The following PCDHGB1 variants were observed in gnomAD, a reference collection of about 807,000 sequenced individuals.
PCDHGB1 encodes protocadherin gamma-B1.
Under a neutral mutation model 56.6 loss-of-function variants are expected in PCDHGB1, and 34 were observed. The observed-to-expected ratio is 0.60, with a 90% CI of 0.46 to 0.80. The LOEUF (loss-of-function observed/expected upper bound fraction) is 0.80. Among genes scored for constraint, PCDHGB1 ranks in the 30% least tolerant of loss-of-function variants. The pLI is 0.00. For synonymous variants in PCDHGB1, 561 were observed against 505.9 expected, an observed-to-expected ratio of 1.11 and a Z score of -1.46; for missense variants, 1,278 against 1,204.6, an observed-to-expected ratio of 1.06 and a Z score of -0.90.
intron 1 of PCDHGB1, chr5:141,409,493 CCT>C (rs1312265786): frequency 6.2e-6 from 10 of 1,614,012 alleles, no homozygotes; most frequent in Non-Finnish European, 7.6e-6. Context: ...GGGCAAGCCG[CCT>C]CTTTCTTCCA....
At chr5:141,415,012 C>T (rs1451963535) in intron 1 of PCDHGB1, 2 of 1,613,644 alleles carry the variant, frequency 1.2e-6, no homozygotes, top group South Asian at 1.1e-5. Context: ...CTACCGTCTG[C>T]TCAAGGCCAG....
intron 2 of PCDHGB1, among the ~76,000 whole-genome samples, chr5:141,501,890 A>G (rs1046816316): frequency 6.6e-6 from 1 of 151,980 alleles, no homozygotes; most frequent in Non-Finnish European, 1.5e-5. Flanking sequence ...CCTGATCATC[A>G]TGGTTCCAAC....
rs1491285973 is a variant in PCDHGB1, at chr5:141,415,739, GGT to G, written c.2409+63071_2409+63072del. 5.5e-5 allele frequency: 24 copies of G among 435,136 alleles called. No individual in the cohort carries two copies. The African/African-American group carries it at 7.2e-4, about 13-fold the overall frequency. 27.0% of individuals were successfully genotyped at this position (435,136 alleles called of 1,614,324 possible). A position where few individuals can be genotyped will look rare whatever the true frequency, so the allele number is the denominator to read the frequency against. On this transcript the variant is annotated intron_variant, in intron 1 of 3. Transcript: ENST00000523390. Reference sequence around the variant, plus strand: ...ATGAGTAGAATTTGATGTTTATTAAGGTTTTTTTTTTTTTTTTTTTTTTTTTT... The same window carrying G: ...ATGAGTAGAATTTGATGTTTATTAAGTTTTTTTTTTTTTTTTTTTTTTTTT...
chr5:141,485,619 G>A lies in PCDHGB1; in HGVS notation c.2410-9188G>A. On this transcript the variant is annotated intron_variant, in intron 1 of 3. Coordinates refer to ENST00000523390, the MANE Select transcript of PCDHGB1 (RefSeq NM_018922.3). This position sits in a 1 kb window ranked among gnomAD's most constrained non-coding sequence, Gnocchi z 5.7. ...GAAATTGGGGAGGCAGCTCCTCCAG[G>A]ACAGCGTTTCCCGTTGGAAAAGGCT... 3 of 1,612,234 alleles carry A rather than the reference G, an allele frequency of 1.9e-6. No homozygotes were observed. The highest frequency in any genetic ancestry group is 2.5e-6 in the Non-Finnish European group (3 of 1,178,678).
In PCDHGB1 at chr5:141,486,487, C is replaced by T; in HGVS notation, c.2410-8320C>T. ...CTGGGAACCCTCCTCTCAGTACCCA[C>T]AGAACTATTTTCCTCAATATTTCAG... On this transcript the variant is annotated intron_variant, in intron 1 of 3. Coordinates refer to ENST00000523390, the MANE Select transcript of PCDHGB1 (RefSeq NM_018922.3). This position sits in a 1 kb window ranked among gnomAD's most constrained non-coding sequence, Gnocchi z 5.0. 1 of 1,614,086 alleles carries T rather than the reference C, an allele frequency of 6.2e-7. No individual in the cohort carries two copies. Among genetic ancestry groups the T allele is most frequent in the Non-Finnish European group, 8.5e-7 (1 of 1,179,918 alleles).
At position 141,432,718 on chromosome 5, in the gene PCDHGB1, T is replaced by C; in HGVS notation, c.2410-62089T>C. ...CCGTCCAGGACCACGGCCAGCCCCC[T>C]CTCTCCGCCACTGTCACGCTCACCG... On this transcript the variant is annotated intron_variant, in intron 1 of 3. Coordinates refer to ENST00000523390, the MANE Select transcript of PCDHGB1 (RefSeq NM_018922.3). This position sits in a 1 kb window ranked among gnomAD's most constrained non-coding sequence, Gnocchi z 6.0. 1 of 1,613,476 alleles carries C rather than the reference T, an allele frequency of 6.2e-7. No homozygotes were observed. The highest frequency in any genetic ancestry group is 8.5e-7 in the Non-Finnish European group (1 of 1,179,862).
intron 1 of PCDHGB1, chr5:141,421,970 A>G (rs2096615419): frequency 1.2e-6 from 2 of 1,610,810 alleles, no homozygotes; most frequent in Non-Finnish European, 1.7e-6. Context: ...CAGTCCGTAT[A>G]TCGCGTGAGT....
intron 1 of PCDHGB1, chr5:141,389,404 C>G (rs2091742660): frequency 6.2e-7 from 1 of 1,613,498 alleles, no homozygotes; most frequent in African/African-American, 1.3e-5. Flanking sequence ...TCCATAAGCG[C>G]GGAGAGCGGG....
In PCDHGB1 at chr5:141,486,157, AG is replaced by A. The variant is rs1562110605; in HGVS notation, c.2410-8649del. 1 of 1,614,208 alleles carries A rather than the reference AG, an allele frequency of 6.2e-7. No homozygotes were observed. Among genetic ancestry groups the A allele is most frequent in the Admixed American group, 1.7e-5 (1 of 60,026 alleles). On this transcript the variant is annotated intron_variant, in intron 1 of 3. Coordinates refer to ENST00000523390, the MANE Select transcript of PCDHGB1 (RefSeq NM_018922.3). This position sits in a 1 kb window ranked among gnomAD's most constrained non-coding sequence, Gnocchi z 5.0. ...TGCGGGCTCGCGATGGGGGTTCTCC[AG>A]CCATGGAGCAACATTGCAGCCTTCG...
intron 1 of PCDHGB1, chr5:141,361,736 C>T (rs1267225660): frequency 6.2e-7 from 1 of 1,613,182 alleles, no homozygotes; most frequent in Non-Finnish European, 8.5e-7. Flanking sequence ...ACACTGCAGG[C>T]CCGCGACCAG....
chr5:141,449,930 A>G (rs1353778264), intron 1 of PCDHGB1, among the ~76,000 whole-genome samples: 1 of 151,614 alleles, frequency 6.6e-6, no homozygotes, highest in East Asian at 1.9e-4. Context: ...ACCATACCTT[A>G]TAGTATATTT....
chr5:141,434,747 C>T (rs2097714000), intron 1 of PCDHGB1, among the ~76,000 whole-genome samples: 1 of 151,606 alleles, frequency 6.6e-6, no homozygotes, highest in South Asian at 2.1e-4. Flanking sequence ...GCTATGAGAC[C>T]CCTGATTCCC....
rs139153105 is a variant in PCDHGB1 at position 141,432,400 on chromosome 5, G to T, written c.2410-62407G>T. 3.1e-6 allele frequency: 5 copies of T among 1,614,122 alleles called. No homozygotes were observed. In the African/African-American group the frequency reaches 4.0e-5, roughly 13 times the overall value. ...ACCCGCCCCTCAGCAGCAACGTGTC[G>T]TTGAGCCTGTTCGTGCTGGACCAGA... On this transcript the variant is annotated intron_variant, in intron 1 of 3. Transcript: ENST00000523390. The surrounding 1 kb of genome is among the most constrained non-coding windows in gnomAD (Gnocchi z 6.0).
chr5:141,486,832 A>G lies in PCDHGB1; in HGVS notation c.2410-7975A>G. 2.5e-6 allele frequency: 4 copies of G among 1,614,182 alleles called. No individual in the cohort carries two copies. Among genetic ancestry groups the G allele is most frequent in the South Asian group, 1.1e-5 (1 of 91,082 alleles). ...TTAGCAGCACTGTAACAGTTCGTCT[A>G]TTTGTGCTGGACCTCAATGACAATG... On this transcript the variant is annotated intron_variant, in intron 1 of 3. Transcript: ENST00000523390. The surrounding 1 kb of genome is among the most constrained non-coding windows in gnomAD (Gnocchi z 5.0).
chr5:141,354,299 G>A (rs1393104062), intron 1 of PCDHGB1, among the ~76,000 whole-genome samples: 1 of 152,084 alleles, frequency 6.6e-6, no homozygotes, highest in African/African-American at 2.4e-5. Flanking sequence ...AACATTGAAA[G>A]GTTTCATAAA....
chr5:141,465,313 T>C (rs113508011), intron 1 of PCDHGB1, among the ~76,000 whole-genome samples: 5 of 152,312 alleles, frequency 3.3e-5, no homozygotes, highest in Admixed American at 6.5e-5. Context: ...AATTTAGCCA[T>C]GTCAATGCAG....
chr5:141,373,773 T>C (rs1429903746), intron 1 of PCDHGB1: 1 of 264,200 alleles, frequency 3.8e-6, no homozygotes, highest in Non-Finnish European at 7.1e-6. Context: ...GTGTCATCTC[T>C]GCAGATTTAG....
At chr5:141,478,042 G>A (rs1358652557) in intron 1 of PCDHGB1, 18 of 1,614,152 alleles carry the variant, frequency 1.1e-5, no homozygotes, top group Non-Finnish European at 1.5e-5. Flanking sequence ...CACCCAGGCA[G>A]ACTCTCACGG....
chr5:141,404,974 C>A, intron 1 of PCDHGB1: 1 of 1,614,022 alleles, frequency 6.2e-7, no homozygotes, highest in South Asian at 1.1e-5. Flanking sequence ...TCCTGGCTGA[C>A]CTGGGCAGTC....
Sources: allele counts gnomAD v4.1 joint callset (sites outside exome capture counted in the v4.1 genomes callset), GRCh38; gene constraint gnomAD v4.1.1; non-coding constraint Gnocchi (gnomAD v3.1); transcripts MANE v1.5; gene names NCBI Gene and HGNC (gene_info 2026-07-23, HGNC 2026-07-21).